Variants in GBE1 observed in about 807,000 individuals in gnomAD.
The protein encoded by GBE1 is 1,4-alpha-glucan branching enzyme 1.
GBE1 carries 70 observed loss-of-function variants against 88.8 expected under a neutral mutation model. The observed-to-expected ratio is 0.79, with a 90% CI of 0.65 to 0.96. The LOEUF is 0.96. Ranked by LOEUF, GBE1 falls within the 40% of genes least tolerant of loss-of-function variation. GBE1 has a pLI of 0.00. For missense variants in GBE1, 872 were observed against 871.0 expected (o/e 1.00, Z -0.01); for synonymous variants, 284 against 300.1 (o/e 0.95, Z 0.56).
chr3:81,732,338 G>A (rs1437130090), intron 1 of GBE1, among the ~76,000 whole-genome samples: 1 of 152,070 alleles, frequency 6.6e-6, no homozygotes, highest in Non-Finnish European at 1.5e-5. Context: ...TAAAATCCCA[G>A]ATTCACATAT....
Position 81,750,565 on chromosome 3 carries a change from A to ACG in GBE1, c.143+10809_143+10810insCG, listed in dbSNP as rs1706489227. On this transcript the variant is annotated intron_variant, in intron 1 of 15. Coordinates refer to ENST00000429644, the MANE Select transcript of GBE1 (RefSeq NM_000158.4). ...TATATATATATGTATATATATATGT[A>ACG]TATATATATACGTATATATATACGT... is the stretch of plus-strand genomic sequence containing the variant. Among the ~76,000 whole-genome samples the ACG allele has an allele frequency of 1.1e-4, 7 of 63,676 alleles. 2 individuals are homozygous for ACG. The highest frequency in any genetic ancestry group is 6.7e-4 in the African/African-American group (7 of 10,428). The allele number at this position is 63,676 out of a possible 152,430, so 41.8% of individuals were successfully genotyped here.
chr3:81,724,137 A>C (rs1706076276), intron 1 of GBE1, among the ~76,000 whole-genome samples: 1 of 152,188 alleles, frequency 6.6e-6, no homozygotes, highest in African/African-American at 2.4e-5. Context: ...ACAAGACTCC[A>C]TTCTCAGTTC....
rs183109415 is a variant in GBE1 at position 81,570,228 on chromosome 3, T to C, written c.1618+7697A>G. Among the ~76,000 whole-genome samples the C allele has an allele frequency of 3.0e-3, 462 of 152,188 alleles. 1 individual carries two copies. The highest frequency in any genetic ancestry group is 0.01 in the African/African-American group (424 of 41,542). On this transcript the variant is annotated intron_variant, in intron 12 of 15. Coordinates refer to ENST00000429644, the MANE Select transcript of GBE1 (RefSeq NM_000158.4). Reference sequence around the variant, plus strand: ...TTAACCTAAGAAACAGAATGTTAAATTAGAAAAAAAAATTCTTAAAGGCAT... The same window carrying C: ...TTAACCTAAGAAACAGAATGTTAAACTAGAAAAAAAAATTCTTAAAGGCAT...
chr3:81,624,223 G>A (rs1704372262), intron 7 of GBE1, among the ~76,000 whole-genome samples: 1 of 152,124 alleles, frequency 6.6e-6, no homozygotes, highest in Admixed American at 6.5e-5. Context: ...CAGATCTTGT[G>A]AGAACTCACT....
Position 81,692,632 on chromosome 3 carries a change from A to G in GBE1, c.313+12812T>C, listed in dbSNP as rs1184809990. ...ATACTGTTATAAAATAGTTTCAGAA[A>G]CTTTCTTTATATGTTCATTGTAATA... On this transcript the variant is annotated intron_variant, in intron 2 of 15. Coordinates refer to ENST00000429644, the MANE Select transcript of GBE1 (RefSeq NM_000158.4). Among the ~76,000 whole-genome samples the G allele has an allele frequency of 2.6e-5, 4 of 152,290 alleles. No homozygotes were observed. In the East Asian group the frequency reaches 7.7e-4, roughly 29 times the overall value.
At chr3:81,747,735 T>C (rs1276216501) in intron 1 of GBE1, among the ~76,000 whole-genome samples, 1 of 152,208 alleles carries the variant, frequency 6.6e-6, no homozygotes, top group East Asian at 1.9e-4. Flanking sequence ...ATTAACCCTT[T>C]GAATTTCCTT....
chr3:81,658,792 G>C (rs1240908637), intron 3 of GBE1, among the ~76,000 whole-genome samples: 1 of 152,114 alleles, frequency 6.6e-6, no homozygotes, highest in African/African-American at 2.4e-5. Context: ...ACTACAAAAA[G>C]ACAAAGTCCA....
intron 2 of GBE1, among the ~76,000 whole-genome samples, chr3:81,680,940 A>G (rs902279569): frequency 7.9e-5 from 12 of 152,216 alleles, no homozygotes; most frequent in Non-Finnish European, 1.8e-4. Context: ...CAAGAAATAA[A>G]CGTCTGTTGT....
intron 7 of GBE1, among the ~76,000 whole-genome samples, chr3:81,636,596 T>C (rs978537369): frequency 1.3e-5 from 2 of 151,610 alleles, no homozygotes; most frequent in Non-Finnish European, 2.9e-5. Flanking sequence ...AATGGCGCAA[T>C]CTCGGCTCAC....
At chr3:81,585,453 T>C (rs983829006) in intron 10 of GBE1, among the ~76,000 whole-genome samples, 1 of 152,106 alleles carries the variant, frequency 6.6e-6, no homozygotes, top group African/African-American at 2.4e-5. Context: ...CAAAGAAATG[T>C]TCTATATCAA....
chr3:81,632,436 G>A (rs1426825077), intron 7 of GBE1, among the ~76,000 whole-genome samples: 1 of 151,990 alleles, frequency 6.6e-6, no homozygotes, highest in Non-Finnish European at 1.5e-5. Flanking sequence ...ACATTTATGT[G>A]GCCAACAAAG....
At chr3:81,539,714 C>G (rs1703120263) in intron 12 of GBE1, among the ~76,000 whole-genome samples, 1 of 151,988 alleles carries the variant, frequency 6.6e-6, no homozygotes, top group Non-Finnish European at 1.5e-5. Flanking sequence ...AGTCGGAATG[C>G]AATTTTGAAG....
chr3:81,543,923 T>G (rs1703172510), intron 12 of GBE1, among the ~76,000 whole-genome samples: 1 of 152,160 alleles, frequency 6.6e-6, no homozygotes, highest in Non-Finnish European at 1.5e-5. Context: ...CATAATACAT[T>G]TATATGTTCC....
At chr3:81,612,349 G>A (rs146870952) in intron 7 of GBE1, 62 of 816,702 alleles carry the variant, frequency 7.6e-5, no homozygotes, top group African/African-American at 6.1e-4. Context: ...ATTTGATTTC[G>A]GTGGACTTTG....
intron 10 of GBE1, among the ~76,000 whole-genome samples, chr3:81,582,953 A>G (rs976680290): frequency 9.9e-5 from 15 of 152,088 alleles, no homozygotes; most frequent in African/African-American, 3.6e-4. Context: ...GCATCAGACT[A>G]GGAGAAAAAA....
chr3:81,628,781 A>G (rs1345415011), intron 7 of GBE1, among the ~76,000 whole-genome samples: 1 of 132,082 alleles, frequency 7.6e-6, no homozygotes, highest in East Asian at 2.2e-4. Context: ...ATATATATAT[A>G]TAGCAACAGA....
At chr3:81,663,027 A>G (rs1308433853) in intron 3 of GBE1, among the ~76,000 whole-genome samples, 1 of 152,214 alleles carries the variant, frequency 6.6e-6, no homozygotes, top group African/African-American at 2.4e-5. Context: ...ATAGTCACAA[A>G]GAGTGGAAAA....
chr3:81,584,319 A>G (rs1703769621), intron 10 of GBE1, among the ~76,000 whole-genome samples: 1 of 152,106 alleles, frequency 6.6e-6, no homozygotes, highest in Non-Finnish European at 1.5e-5. Context: ...GTATGGGTAG[A>G]CAACATCACA....
At position 81,761,589 on chromosome 3, in the gene GBE1, T is replaced by G; in HGVS notation, c.-72A>C. On this transcript the variant is annotated 5_prime_UTR_variant, in exon 1 of 16. Coordinates refer to ENST00000429644, the MANE Select transcript of GBE1 (RefSeq NM_000158.4). The stretch of plus-strand genomic sequence containing the variant: ...CCTGAGCGGGCGCTGGAGCTCTAGC[T>G]GGGACGCGGCGGCTAGGGCGGAGCC... The G allele has an allele frequency of 1.3e-6, 2 of 1,517,388 alleles. No homozygotes were observed. The highest frequency in any genetic ancestry group is 1.8e-6 in the Non-Finnish European group (2 of 1,132,574). 94.0% of individuals were successfully genotyped at this position (1,517,388 alleles called of 1,614,324 possible). A position where few individuals can be genotyped will look rare whatever the true frequency, so the allele number is the denominator to read the frequency against.
Sources: gnomAD v4.1 joint callset for allele counts (sites outside exome capture counted in the v4.1 genomes callset) on GRCh38, gnomAD v4.1.1 for gene constraint, MANE v1.5 for transcripts, NCBI Gene and HGNC (gene_info 2026-07-23, HGNC 2026-07-21) for gene names.